The following ZFC3H1 variants were observed in gnomAD, a reference collection of about 807,000 sequenced individuals.
The protein encoded by ZFC3H1 is zinc finger C3H1 domain-containing protein.
Under a neutral mutation model 243.7 loss-of-function variants are expected in ZFC3H1, and 71 were observed. The ratio of observed to expected loss-of-function variants is 0.29; its 90% CI spans 0.24 to 0.36. The LOEUF (loss-of-function observed/expected upper bound fraction) is 0.36, where lower values mean the gene tolerates loss of function less well. Among genes scored for constraint, ZFC3H1 ranks in the 10% least tolerant of loss-of-function variants. The pLI, the probability that ZFC3H1 is intolerant of heterozygous loss-of-function variation, is 1.00. For missense variants in ZFC3H1, 1,966 were observed against 2,317.1 expected, an observed-to-expected ratio of 0.85 and a Z score of 3.11; for synonymous variants, 838 against 813.0, an observed-to-expected ratio of 1.03 and a Z score of -0.52.
At chr12:71,631,928 G>C (rs1880333393) in intron 15 of ZFC3H1, 41 bp from the exon 16 acceptor site, 1 of 1,604,860 alleles carries the variant, frequency 6.2e-7, no homozygotes, top group Admixed American at 1.7e-5. Flanking sequence ...AAATAAGGCT[G>C]GGTGAATTCC....
chr12:71,662,928 A>C, intron 1 of ZFC3H1, 85 bp downstream of exon 1: 2 of 1,344,598 alleles, frequency 1.5e-6, no homozygotes, highest in South Asian at 1.4e-5. Context: ...GATGATTCAA[A>C]GTTACACTCG....
chr12:71,617,465 C>T (rs1341231997), intron 27 of ZFC3H1, among the ~76,000 whole-genome samples: 2 of 152,202 alleles, frequency 1.3e-5, no homozygotes, highest in South Asian at 2.1e-4. Flanking sequence ...TTGGAGACAA[C>T]TCATTTTCAA....
intron 7 of ZFC3H1, among the ~76,000 whole-genome samples, 180 bp from the exon 8 acceptor site, chr12:71,637,239 AGT>A (rs1173759216): frequency 6.6e-6 from 1 of 152,178 alleles, no homozygotes; most frequent in East Asian, 1.9e-4. Flanking sequence ...ACCACGAAAA[AGT>A]GTTATTTTTA....
Position 71,631,711 on chromosome 12 carries a change from C to T in ZFC3H1, c.3470+67G>A. On this transcript the variant is annotated intron_variant, in intron 16 of 34. Transcript: ENST00000378743. The stretch of plus-strand genomic sequence containing the variant: ...TGCTTTTTCATTATCATCAAATATT[C>T]AAGATAAAATATTAAAAACCAAACA... 4 of 1,301,994 alleles carry T rather than the reference C, an allele frequency of 3.1e-6. No individual in the cohort carries two copies. In the Admixed American group the frequency reaches 9.4e-5, roughly 31 times the overall value. 80.7% of individuals were successfully genotyped at this position (1,301,994 alleles called of 1,614,324 possible).
intron 2 of ZFC3H1, among the ~76,000 whole-genome samples, chr12:71,654,666 A>C (rs1414513823): frequency 6.6e-6 from 1 of 152,200 alleles, no homozygotes; most frequent in East Asian, 1.9e-4. Flanking sequence ...AATTGTGTGA[A>C]GAAAAATAAG....
intron 2 of ZFC3H1, among the ~76,000 whole-genome samples, chr12:71,652,021 T>A (rs1226866620): frequency 6.6e-6 from 1 of 152,116 alleles, no homozygotes; most frequent in Non-Finnish European, 1.5e-5. Context: ...TCACCTCCAA[T>A]AAGAAGCAAG....
At chr12:71,632,796 A>C (rs1880356719) in intron 14 of ZFC3H1, 90 bp downstream of exon 14, 1 of 1,516,862 alleles carries the variant, frequency 6.6e-7, no homozygotes, top group African/African-American at 1.4e-5. Context: ...ATTTACAGCA[A>C]AGAGTTACTT....
intron 2 of ZFC3H1, among the ~76,000 whole-genome samples, chr12:71,653,909 A>G (rs1031560845): frequency 6.6e-6 from 1 of 152,176 alleles, no homozygotes; most frequent in Non-Finnish European, 1.5e-5. Context: ...GCTACTCAGG[A>G]AGCTGAGGCA....
chr12:71,626,566 AG>A, intron 21 of ZFC3H1, 120 bp from the exon 22 acceptor site: 2 of 908,476 alleles, frequency 2.2e-6, no homozygotes, highest in Non-Finnish European at 3.1e-6. Flanking sequence ...CCAAGAAGTC[AG>A]GATCACTTAT....
At chr12:71,649,577 C>T (rs1484933067) in intron 2 of ZFC3H1, among the ~76,000 whole-genome samples, 10 of 152,154 alleles carry the variant, frequency 6.6e-5, no homozygotes, top group Admixed American at 6.5e-4. Context: ...TCTCCACACA[C>T]CCTATTGTTT....
At chr12:71,650,225 G>A (rs776667134) in intron 2 of ZFC3H1, among the ~76,000 whole-genome samples, 2 of 152,146 alleles carry the variant, frequency 1.3e-5, no homozygotes, top group Middle Eastern at 3.4e-3. Flanking sequence ...GCAGTGAGCT[G>A]AGATCACACC....
intron 5 of ZFC3H1, among the ~76,000 whole-genome samples, chr12:71,643,011 G>A (rs182646939): frequency 3.9e-4 from 60 of 152,038 alleles, no homozygotes; most frequent in Admixed American, 1.1e-3. Context: ...ATAAATTCTG[G>A]GTAAATGTGT....
At chr12:71,627,699 C>T in intron 21 of ZFC3H1, 52 bp downstream of exon 21, 1 of 1,526,992 alleles carries the variant, frequency 6.5e-7, no homozygotes, top group Non-Finnish European at 8.8e-7. Flanking sequence ...AAACCTCAAA[C>T]ATAAAAATAT....
chr12:71,644,043 C>T, intron 5 of ZFC3H1, 52 bp downstream of exon 5: 9 of 1,483,978 alleles, frequency 6.1e-6, no homozygotes, highest in Non-Finnish European at 8.3e-6. Flanking sequence ...TGAAATATGA[C>T]TTTAAGGAAA....
chr12:71,632,574 G>A, intron 14 of ZFC3H1, 60 bp from the exon 15 acceptor site: 2 of 1,495,408 alleles, frequency 1.3e-6, no homozygotes, highest in Non-Finnish European at 8.8e-7. Flanking sequence ...ACAATTTTTG[G>A]TAAGATAATT....
intron 2 of ZFC3H1, among the ~76,000 whole-genome samples, chr12:71,649,016 G>A (rs751511672): frequency 7.1e-4 from 108 of 151,092 alleles, no homozygotes; most frequent in Middle Eastern, 3.4e-3. Flanking sequence ...GCTTGGACCC[G>A]GGAGGTGGAG....
Position 71,620,401 on chromosome 12 carries a change from A to G in ZFC3H1, c.4745-86T>C. On this transcript the variant is annotated intron_variant, in intron 24 of 34. Transcript: ENST00000378743. ...GTGTTACTTCAACTCTGAGAGACCA[A>G]TGGGAAAAGATGACCCCTCCCTTTG... The G allele has an allele frequency of 4.6e-6, 6 of 1,311,068 alleles. No homozygotes were observed. The South Asian group carries it at 6.1e-5, about 13-fold the overall frequency. 81.2% of individuals were successfully genotyped at this position (1,311,068 alleles called of 1,614,324 possible).
At chr12:71,641,509 T>C (rs1214591373) in intron 6 of ZFC3H1, among the ~76,000 whole-genome samples, 3 of 152,216 alleles carry the variant, frequency 2.0e-5, no homozygotes, top group Non-Finnish European at 4.4e-5. Flanking sequence ...TGCCTCAGTC[T>C]TAAGTGTTTT....
At chr12:71,648,014 A>G (rs1414593272) in intron 2 of ZFC3H1, among the ~76,000 whole-genome samples, 1 of 152,216 alleles carries the variant, frequency 6.6e-6, no homozygotes, top group Non-Finnish European at 1.5e-5. Context: ...CCTCAAAGTT[A>G]TAAGGCAAAA....
Sources: gnomAD v4.1 joint callset for allele counts (sites outside exome capture counted in the v4.1 genomes callset) on GRCh38, gnomAD v4.1.1 for gene constraint, MANE v1.5 for transcripts, NCBI Gene and HGNC (gene_info 2026-07-23, HGNC 2026-07-21) for gene names.